The following CNTNAP4 variants were observed in gnomAD, a reference collection of about 807,000 sequenced individuals.
CNTNAP4 encodes contactin associated protein family member 4.
CNTNAP4 carries 98 observed loss-of-function variants against 148.4 expected under a neutral mutation model. The observed-to-expected ratio is 0.66, with a 90% confidence interval of 0.56 to 0.78. CNTNAP4 has a LOEUF of 0.78. Ranked by LOEUF, CNTNAP4 falls within the 30% of genes least tolerant of loss-of-function variation. The pLI is 0.00. For synonymous variants in CNTNAP4, 730 were observed against 565.1 expected, an observed-to-expected ratio of 1.29 and a Z score of -4.14; for missense variants, 1,935 against 1,565.6, an observed-to-expected ratio of 1.24 and a Z score of -3.98.
At chr16:76,517,812 C>T (rs1477067835) in intron 15 of CNTNAP4, among the ~76,000 whole-genome samples, 1 of 152,164 alleles carries the variant, frequency 6.6e-6, no homozygotes, top group Non-Finnish European at 1.5e-5. Flanking sequence ...CTCTGAGCCG[C>T]TGCTCTCCCT....
In CNTNAP4 at chr16:76,316,443, T is replaced by G. The variant is rs766207640; in HGVS notation, c.116T>G (p.Leu39Trp). Residue 39 changes from leucine to tryptophan, a missense_variant, in exon 2 of 24, where the codon TTG (leucine) becomes TGG (tryptophan). Physicochemically the swap from Leu to Trp is moderately conservative, Grantham distance 61. Coordinates refer to ENST00000611870, the MANE Select transcript of CNTNAP4 (RefSeq NM_033401.5). ...YDCDDPLVSA[L>W]PQASFSSSSE... is the part of the protein sequence containing the mutation. ...TGTGATGATCCTCTTGTGTCTGCCT[T>G]GCCTCAGGCATCCTTCAGCAGTTCT... 12 of 1,613,902 alleles carry G rather than the reference T, an allele frequency of 7.4e-6. No homozygotes were observed. Among genetic ancestry groups the G allele is most frequent in the Non-Finnish European group, 1.0e-5 (12 of 1,179,808 alleles).
chr16:76,474,364 CT>C (rs1014495965), intron 10 of CNTNAP4, among the ~76,000 whole-genome samples: 4 of 152,102 alleles, frequency 2.6e-5, no homozygotes, highest in African/African-American at 9.7e-5. Context: ...AAAGTAAACG[CT>C]CTAAGATAAG....
chr16:76,495,994 T>C (rs1410337079), intron 14 of CNTNAP4, among the ~76,000 whole-genome samples: 2 of 151,964 alleles, frequency 1.3e-5, no homozygotes, highest in African/African-American at 4.8e-5. Context: ...TAATATTTCA[T>C]TTAGTTGGGA....
At chr16:76,402,148 A>G (rs1271188424) in intron 3 of CNTNAP4, among the ~76,000 whole-genome samples, 1 of 152,152 alleles carries the variant, frequency 6.6e-6, no homozygotes, top group Admixed American at 6.6e-5. Context: ...ATCTGGTAGA[A>G]TTGAGCTGTG....
At chr16:76,474,369 A>C (rs879944308) in intron 10 of CNTNAP4, among the ~76,000 whole-genome samples, 16 of 152,200 alleles carry the variant, frequency 1.1e-4, no homozygotes, top group Non-Finnish European at 2.2e-4. Context: ...AAACGCTCTA[A>C]GATAAGGCAG....
At chr16:76,354,262 T>G (rs2012265839) in intron 2 of CNTNAP4, among the ~76,000 whole-genome samples, 1 of 152,158 alleles carries the variant, frequency 6.6e-6, no homozygotes, top group Non-Finnish European at 1.5e-5. Flanking sequence ...TTAAAATAAT[T>G]CCCCAAATTA....
At chr16:76,330,958 A>C (rs538241190) in intron 2 of CNTNAP4, among the ~76,000 whole-genome samples, 1 of 152,316 alleles carries the variant, frequency 6.6e-6, no homozygotes, top group Non-Finnish European at 1.5e-5. Context: ...TAAAAATTGG[A>C]CTTTATTTGA....
intron 10 of CNTNAP4, among the ~76,000 whole-genome samples, chr16:76,473,014 A>G (rs890856869): frequency 6.6e-6 from 1 of 152,158 alleles, no homozygotes; most frequent in South Asian, 2.1e-4. Context: ...AGAGGGGGGA[A>G]GCCTTCTCTG....
At chr16:76,463,097 T>C (rs35427954) in intron 9 of CNTNAP4, among the ~76,000 whole-genome samples, 22,246 of 152,160 alleles carry the variant, frequency 0.15, 1,986 homozygotes, top group South Asian at 0.27. Context: ...AATCTGAAAA[T>C]ATATACTTGT....
intron 1 of CNTNAP4, chr16:76,316,055 G>T: frequency 2.9e-6 from 1 of 343,474 alleles, no homozygotes; most frequent in African/African-American, 2.1e-5. Context: ...TCCATTTTGT[G>T]ATTTTTCTTT....
intron 3 of CNTNAP4, among the ~76,000 whole-genome samples, chr16:76,376,608 G>C (rs987970210): frequency 3.3e-5 from 5 of 152,182 alleles, no homozygotes; most frequent in African/African-American, 1.2e-4. Flanking sequence ...GCCCAGCGTT[G>C]GCCAAAGGGC....
At chr16:76,328,053 A>G (rs1232811744) in intron 2 of CNTNAP4, among the ~76,000 whole-genome samples, 1 of 152,206 alleles carries the variant, frequency 6.6e-6, no homozygotes. Context: ...ATTCCTGCTC[A>G]GAAGAATTCC....
rs138748798 is a variant in CNTNAP4, at chr16:76,306,459, A to G, written c.86-9954A>G. Reference sequence around the variant, plus strand: ...TCCCACGTGAATGCAATAAAACATGATTGGCTCCTACACTCTGAAACTGTG... The same window carrying G: ...TCCCACGTGAATGCAATAAAACATGGTTGGCTCCTACACTCTGAAACTGTG... On this transcript the variant is annotated intron_variant, in intron 1 of 23. Transcript: ENST00000611870. 1.1e-3 allele frequency among the ~76,000 whole-genome samples: 165 copies of G among 152,306 alleles called. 1 individual carries two copies. The highest frequency in any genetic ancestry group is 1.8e-3 in the Non-Finnish European group (125 of 68,024).
chr16:76,475,119 G>A (rs1254192087), intron 10 of CNTNAP4, among the ~76,000 whole-genome samples: 1 of 151,998 alleles, frequency 6.6e-6, no homozygotes, highest in Non-Finnish European at 1.5e-5. Flanking sequence ...GGAGGTTGCA[G>A]TGAGCTGAGA....
At chr16:76,350,760 TAAC>T (rs1474787438) in intron 2 of CNTNAP4, among the ~76,000 whole-genome samples, 2 of 152,236 alleles carry the variant, frequency 1.3e-5, no homozygotes, top group African/African-American at 4.8e-5. Flanking sequence ...TTAATTCTCA[TAAC>T]AATACTACAG....
chr16:76,493,743 A>T (rs1182821262), intron 13 of CNTNAP4, among the ~76,000 whole-genome samples: 2 of 152,218 alleles, frequency 1.3e-5, no homozygotes, highest in Non-Finnish European at 2.9e-5. Context: ...AAGATTCTTC[A>T]TATTAATGCA....
chr16:76,520,314 C>T (rs1359423002), intron 15 of CNTNAP4, among the ~76,000 whole-genome samples: 2 of 151,852 alleles, frequency 1.3e-5, no homozygotes, highest in East Asian at 1.9e-4. Context: ...AATATTTTTT[C>T]GAAAGAAAAG....
intron 2 of CNTNAP4, among the ~76,000 whole-genome samples, chr16:76,351,975 C>T (rs2011844235): frequency 6.6e-6 from 1 of 152,098 alleles, no homozygotes; most frequent in South Asian, 2.1e-4. Context: ...ATTCTCAATT[C>T]CAGCTTTAGA....
intron 10 of CNTNAP4, among the ~76,000 whole-genome samples, chr16:76,471,876 C>T (rs756948804): frequency 9.9e-5 from 15 of 152,126 alleles, no homozygotes; most frequent in East Asian, 7.7e-4. Context: ...ATTATCCTAG[C>T]GCTCATTGGC....
Sources: gnomAD v4.1 joint callset for allele counts (sites outside exome capture counted in the v4.1 genomes callset) on GRCh38, gnomAD v4.1.1 for gene constraint, MANE v1.5 for transcripts, NCBI Gene and HGNC (gene_info 2026-07-23, HGNC 2026-07-21) for gene names.